OPCML: variants seen among roughly 807,000 people sequenced by gnomAD.
The protein encoded by OPCML is opioid binding protein/cell adhesion molecule like.
In OPCML, 13 loss-of-function variants were observed where a neutral mutation model predicts 37.8. The ratio of observed to expected loss-of-function variants is 0.34; its 90% CI spans 0.22 to 0.55. OPCML has a LOEUF of 0.55. OPCML is among the 20% of genes least tolerant of loss of function. The pLI is 0.91. For synonymous variants in OPCML, 176 were observed against 168.8 expected (o/e 1.04, Z -0.33); for missense variants, 341 against 435.6 (o/e 0.78, Z 1.93).
chr11:132,652,448 T>C (rs1304989527), intron 3 of OPCML, among the ~76,000 whole-genome samples: 1 of 151,952 alleles, frequency 6.6e-6, no homozygotes, highest in Non-Finnish European at 1.5e-5. Flanking sequence ...TGGATGTTGT[T>C]GGCATTGGAG....
intron 1 of OPCML, among the ~76,000 whole-genome samples, chr11:133,061,180 G>T (rs1171190465): frequency 2.0e-5 from 3 of 152,174 alleles, no homozygotes; most frequent in Non-Finnish European, 4.4e-5. Flanking sequence ...TGACAGTTTT[G>T]TTTGAAGCTG....
chr11:133,101,070 G>A (rs1310567449), intron 1 of OPCML, among the ~76,000 whole-genome samples: 1 of 152,080 alleles, frequency 6.6e-6, no homozygotes, highest in Non-Finnish European at 1.5e-5. Flanking sequence ...GACTACAGGT[G>A]CCCACTGTCA....
chr11:133,007,785 G>T (rs1947140056), intron 1 of OPCML: 2 of 985,434 alleles, frequency 2.0e-6, no homozygotes, highest in Admixed American at 6.1e-5. Context: ...TGAATAGTTA[G>T]CACATGTATC....
At chr11:133,437,078 A>C (rs1179526495) in intron 1 of OPCML, among the ~76,000 whole-genome samples, 1 of 152,282 alleles carries the variant, frequency 6.6e-6, no homozygotes, top group African/African-American at 2.4e-5. Flanking sequence ...ATGATTGTTT[A>C]AGTTTTTAGC....
chr11:132,699,521 G>T (rs3019859), intron 2 of OPCML, among the ~76,000 whole-genome samples: 4 of 151,748 alleles, frequency 2.6e-5, no homozygotes, highest in Non-Finnish European at 4.4e-5. Flanking sequence ...AGGCACATTC[G>T]TTCTATAAAT....
intron 1 of OPCML, among the ~76,000 whole-genome samples, chr11:133,245,101 G>A (rs1188442647): frequency 6.6e-6 from 1 of 152,174 alleles, no homozygotes; most frequent in East Asian, 1.9e-4. Flanking sequence ...TGTGTAAAAG[G>A]TGGACTTCAA....
At chr11:132,914,110 G>T (rs1208039229) in intron 2 of OPCML, among the ~76,000 whole-genome samples, 1 of 152,184 alleles carries the variant, frequency 6.6e-6, no homozygotes, top group Non-Finnish European at 1.5e-5. Flanking sequence ...CTGCGAGGAG[G>T]TAAGAGGGAC....
At chr11:132,953,779 G>T (rs1015381623) in intron 1 of OPCML, among the ~76,000 whole-genome samples, 7 of 152,156 alleles carry the variant, frequency 4.6e-5, no homozygotes, top group African/African-American at 1.4e-4. Flanking sequence ...CCTGAGAGCT[G>T]GGGGTCCCCA....
chr11:133,006,890 T>G (rs1279899102), intron 1 of OPCML: 1 of 985,342 alleles, frequency 1.0e-6, no homozygotes, highest in East Asian at 1.1e-4. Flanking sequence ...ATGCTATACC[T>G]GTCATGGGGC....
intron 1 of OPCML, among the ~76,000 whole-genome samples, chr11:133,283,378 C>T (rs1423282189): frequency 6.6e-6 from 1 of 151,808 alleles, no homozygotes; most frequent in African/African-American, 2.4e-5. Context: ...TCCCCCACCC[C>T]TTGTTCCTAC....
intron 1 of OPCML, among the ~76,000 whole-genome samples, chr11:133,442,541 G>A (rs552210432): frequency 6.6e-6 from 1 of 152,214 alleles, no homozygotes; most frequent in South Asian, 2.1e-4. Flanking sequence ...CAACATACAT[G>A]TCAGTAAATA....
At chr11:132,792,963 G>A (rs763381807) in intron 2 of OPCML, among the ~76,000 whole-genome samples, 1 of 152,162 alleles carries the variant, frequency 6.6e-6, no homozygotes, top group Non-Finnish European at 1.5e-5. Flanking sequence ...ATTTCCAGCC[G>A]GATAGAGCGC....
At chr11:132,717,731 A>AG (rs1206947891) in intron 2 of OPCML, among the ~76,000 whole-genome samples, 1 of 152,212 alleles carries the variant, frequency 6.6e-6, no homozygotes, top group African/African-American at 2.4e-5. Flanking sequence ...TCTAGTTGAA[A>AG]GGTAAGGGAC....
At chr11:133,292,605 G>T (rs940814470) in intron 1 of OPCML, among the ~76,000 whole-genome samples, 3 of 152,124 alleles carry the variant, frequency 2.0e-5, no homozygotes, top group African/African-American at 7.2e-5. Flanking sequence ...AGGCAGGTCC[G>T]TACGCTGGGG....
At chr11:133,385,803 CTCTGTCT>C (rs1359870458) in intron 1 of OPCML, among the ~76,000 whole-genome samples, 1 of 152,120 alleles carries the variant, frequency 6.6e-6, no homozygotes, top group East Asian at 1.9e-4. Context: ...ATATTATAAT[CTCTGTCT>C]TCTATAAAAT....
At chr11:132,796,667 G>A (rs888797621) in intron 2 of OPCML, among the ~76,000 whole-genome samples, 1 of 148,380 alleles carries the variant, frequency 6.7e-6, no homozygotes, top group Non-Finnish European at 1.5e-5. Context: ...TCCGCCTCCC[G>A]GGTTCATGCC....
chr11:133,399,206 C>CT (rs1447702739), intron 1 of OPCML, among the ~76,000 whole-genome samples: 1 of 152,128 alleles, frequency 6.6e-6, no homozygotes, highest in Non-Finnish European at 1.5e-5. Context: ...AAAATATCCT[C>CT]TATTTTTAAC....
At chr11:133,459,477 G>A (rs1267027385) in intron 1 of OPCML, among the ~76,000 whole-genome samples, 2 of 151,968 alleles carry the variant, frequency 1.3e-5, no homozygotes. Context: ...ATATATAAGA[G>A]ACTCACATTA....
At position 133,005,104 on chromosome 11, in the gene OPCML, TTTAGAATGAAATCCAAAC is replaced by T. The variant is rs1019723276; in HGVS notation, c.62-62112_62-62095del. ...GACTCCTTCATGGCTTCCCATGAAG[TTTAGAATGAAATCCAAAC>T]TTAGAATGAAATCCCTGCCTGCTCC... On this transcript the variant is annotated intron_variant, in intron 1 of 7. Coordinates refer to ENST00000524381, the MANE Select transcript of OPCML (RefSeq NM_001012393.5). 17 of 985,148 alleles carry T rather than the reference TTTAGAATGAAATCCAAAC, an allele frequency of 1.7e-5. No homozygotes were observed. The African/African-American group carries it at 2.6e-4, about 15-fold the overall frequency. 61.0% of individuals were successfully genotyped at this position (985,148 alleles called of 1,614,324 possible). A position where few individuals can be genotyped will look rare whatever the true frequency, so the allele number is the denominator to read the frequency against.
Sources: gnomAD v4.1 joint callset for allele counts (sites outside exome capture counted in the v4.1 genomes callset) on GRCh38, gnomAD v4.1.1 for gene constraint, MANE v1.5 for transcripts, NCBI Gene and HGNC (gene_info 2026-07-23, HGNC 2026-07-21) for gene names.